The following CD86 variants were observed in gnomAD, a reference collection of about 807,000 sequenced individuals.
CD86 encodes CD86 molecule.
A neutral mutation model predicts 32.1 loss-of-function variants in CD86; 11 were observed. The ratio of observed to expected loss-of-function variants is 0.34; its 90% CI spans 0.22 to 0.57. CD86 has a LOEUF of 0.57. Ranked by LOEUF, CD86 falls within the 20% of genes least tolerant of loss-of-function variation. The pLI is 0.86. For missense variants in CD86, 359 were observed against 398.4 expected (o/e 0.90, Z 0.84); for synonymous variants, 137 against 135.3 (o/e 1.01, Z -0.09).
chr3:122,063,474 A>G (rs772463068), intron 1 of CD86, among the ~76,000 whole-genome samples: 10 of 152,096 alleles, frequency 6.6e-5, no homozygotes, highest in South Asian at 2.1e-4. Context: ...GTTAATAATG[A>G]CTCCTTAATG....
intron 1 of CD86, among the ~76,000 whole-genome samples, chr3:122,086,375 C>T (rs963744984): frequency 6.6e-6 from 1 of 152,176 alleles, no homozygotes. Context: ...ATCCTCTCTG[C>T]ACTCCCCTGT....
intron 1 of CD86, among the ~76,000 whole-genome samples, chr3:122,075,050 A>T (rs2072537528): frequency 6.6e-6 from 1 of 151,898 alleles, no homozygotes; most frequent in South Asian, 2.1e-4. Flanking sequence ...CTGGCCTGTC[A>T]CACAAACAAG....
chr3:122,058,135 CT>C (rs1363953509), intron 1 of CD86, among the ~76,000 whole-genome samples: 8 of 152,162 alleles, frequency 5.3e-5, no homozygotes, highest in Non-Finnish European at 1.2e-4. Flanking sequence ...ATTACTATTA[CT>C]GTTTGGATTA....
At position 122,095,535 on chromosome 3, in the gene CD86, G is replaced by A. The variant is rs546423610; in HGVS notation, c.64+3885G>A. On this transcript the variant is annotated intron_variant, in intron 2 of 6. Transcript: ENST00000330540. Reference sequence around the variant, plus strand: ...CTCAAAAGCTCATTCCTGTGGAAAGGTCCACTGTTTTCCTCCCAAGATTTT... The same window carrying A: ...CTCAAAAGCTCATTCCTGTGGAAAGATCCACTGTTTTCCTCCCAAGATTTT... Among the ~76,000 whole-genome samples the A allele has an allele frequency of 2.0e-5, 3 of 152,226 alleles. No individual in the cohort carries two copies. The East Asian group carries it at 5.8e-4, about 29-fold the overall frequency.
At chr3:122,118,164 T>G in intron 6 of CD86, 71 bp downstream of exon 6, 1 of 1,262,278 alleles carries the variant, frequency 7.9e-7, no homozygotes. Flanking sequence ...TTGAATAGGC[T>G]TATGCCTAAC....
Position 122,055,464 on chromosome 3 carries a change from A to G in CD86, c.-26A>G. 1 of 1,612,702 alleles carries G rather than the reference A, an allele frequency of 6.2e-7. No individual in the cohort carries two copies. Among genetic ancestry groups the G allele is most frequent in the Non-Finnish European group, 8.5e-7 (1 of 1,178,646 alleles). On this transcript the variant is annotated 5_prime_UTR_variant, in exon 1 of 7. The change creates a new upstream start codon in the 5' untranslated region. Transcript: ENST00000330540. ...CGGATGAGTGGGGTCATTTCCAGATATTAGGTCACAGCAGAAGCAGCCAAA... is the reference window on the plus strand; with the variant it reads ...CGGATGAGTGGGGTCATTTCCAGATGTTAGGTCACAGCAGAAGCAGCCAAA...
intron 3 of CD86, among the ~76,000 whole-genome samples, chr3:122,105,465 A>G (rs192618995): frequency 6.6e-6 from 1 of 152,312 alleles, no homozygotes; most frequent in East Asian, 1.9e-4. Context: ...TAAAAGAACA[A>G]GGGATTTTTT....
intron 2 of CD86, among the ~76,000 whole-genome samples, chr3:122,101,505 A>AT (rs1559909685): frequency 1.1e-4 from 5 of 45,472 alleles, no homozygotes; most frequent in East Asian, 7.0e-4. Flanking sequence ...GAAAAAAAAA[A>AT]AAAAAAAAAT....
chr3:122,106,840 GCACACACACA>G (rs56759758), intron 4 of CD86, among the ~76,000 whole-genome samples: 1 of 143,476 alleles, frequency 7.0e-6, no homozygotes, highest in Non-Finnish European at 1.5e-5. Context: ...ACATGCGCTT[GCACACACACA>G]CACACACACA....
chr3:122,113,036 T>C (rs930580647), intron 5 of CD86, among the ~76,000 whole-genome samples: 44 of 152,320 alleles, frequency 2.9e-4, no homozygotes, highest in African/African-American at 1.0e-3. Context: ...CCAAAGTCCA[T>C]TATATTATTC....
intron 1 of CD86, among the ~76,000 whole-genome samples, chr3:122,076,763 A>C (rs374116064): frequency 6.6e-6 from 1 of 152,376 alleles, no homozygotes; most frequent in East Asian, 1.9e-4. Flanking sequence ...ACTACTTGGC[A>C]TACTCTGCCA....
rs1200131730 is a variant in CD86 at position 122,088,232 on chromosome 3, G to T, written c.15-3369G>T. Among the ~76,000 whole-genome samples, 5 of 127,472 alleles carry T rather than the reference G, an allele frequency of 3.9e-5. No homozygotes were observed. The East Asian group carries it at 1.2e-3, about 30-fold the overall frequency. 83.6% of individuals were successfully genotyped at this position (127,472 alleles called of 152,430 possible). On this transcript the variant is annotated intron_variant, in intron 1 of 6. Coordinates refer to ENST00000330540, the MANE Select transcript of CD86 (RefSeq NM_175862.5). ...TAGCCAGCCTAATGAGTAGGAAGTT[G>T]TTCTCACTGTCATTTTATATTGAAT...
chr3:122,086,713 T>A, intron 1 of CD86: 1 of 426,756 alleles, frequency 2.3e-6, no homozygotes, highest in South Asian at 1.7e-5. Context: ...ACCCTCTTGA[T>A]GCAAAGGGAT....
intron 5 of CD86, among the ~76,000 whole-genome samples, chr3:122,114,178 G>A (rs1218897590): frequency 6.6e-6 from 1 of 152,106 alleles, no homozygotes; most frequent in Non-Finnish European, 1.5e-5. Flanking sequence ...TTGAACCTGG[G>A]AGGCAGAGGT....
Position 122,109,287 on chromosome 3 carries a change from C to T in CD86, c.726C>T (p.Pro242=). 1 of 1,613,948 alleles carries T rather than the reference C, an allele frequency of 6.2e-7. No homozygotes were observed. Among genetic ancestry groups the T allele is most frequent in the African/African-American group, 1.3e-5 (1 of 75,028 alleles). ...TAGAGCTTGAGGACCCTCAGCCTCCCCCAGACCACATTCCTTGGATTACAG... is the reference window on the plus strand; with the variant it reads ...TAGAGCTTGAGGACCCTCAGCCTCCTCCAGACCACATTCCTTGGATTACAG... ...FSIELEDPQP[P]PDHIPWITAV... Residue 242 remains proline, a synonymous_variant, in exon 5 of 7, where the codon CCC becomes CCT. Coordinates refer to ENST00000330540, the MANE Select transcript of CD86 (RefSeq NM_175862.5).
At chr3:122,102,234 C>T (rs981749940) in intron 2 of CD86, among the ~76,000 whole-genome samples, 17 of 151,916 alleles carry the variant, frequency 1.1e-4, no homozygotes, top group African/African-American at 4.1e-4. Flanking sequence ...CTCATCAACC[C>T]ATCTCCTCCC....
intron 5 of CD86, among the ~76,000 whole-genome samples, chr3:122,114,121 G>A (rs1286908568): frequency 3.3e-5 from 5 of 151,860 alleles, no homozygotes; most frequent in Non-Finnish European, 7.4e-5. Context: ...TGTGGTGGCA[G>A]GCACCTGTAA....
At chr3:122,118,138 CCA>C in intron 6 of CD86, 45 bp downstream of exon 6, 1 of 1,514,170 alleles carries the variant, frequency 6.6e-7, no homozygotes, top group Non-Finnish European at 9.2e-7. Context: ...GGTATAATCC[CCA>C]GAGTGCCTGT....
Position 122,106,386 on chromosome 3 carries a change from T to C in CD86, c.589T>C (p.Tyr197His). 6.2e-7 allele frequency: 1 copy of C among 1,614,060 alleles called. No homozygotes were observed. Among genetic ancestry groups the C allele is most frequent in the Non-Finnish European group, 8.5e-7 (1 of 1,179,908 alleles). Residue 197 changes from tyrosine (Y) to histidine (H), a missense_variant, in exon 4 of 7, where the codon TAC (tyrosine) becomes CAC (histidine). Transcript: ENST00000330540. Reference protein sequence around the residue: ...QKSQDNVTELYDVSISLSVSF... With the variant: ...QKSQDNVTELHDVSISLSVSF... ...ATCTCAAGATAATGTCACAGAACTG[T>C]ACGACGTTTCCATCAGCTTGTCTGT...
Sources: gnomAD v4.1 joint callset for allele counts (sites outside exome capture counted in the v4.1 genomes callset) on GRCh38, gnomAD v4.1.1 for gene constraint, MANE v1.5 for transcripts, NCBI Gene and HGNC (gene_info 2026-07-23, HGNC 2026-07-21) for gene names.